The following HS3ST3A1 variants were observed in gnomAD, a reference collection of about 807,000 sequenced individuals.
HS3ST3A1 encodes heparan sulfate-glucosamine 3-sulfotransferase 3A1, also known as heparan sulfate glucosamine 3-O-sulfotransferase 3A1.
A neutral mutation model predicts 25.7 loss-of-function variants in HS3ST3A1; 19 were observed. That is an observed-to-expected ratio of 0.74 (90% CI 0.52 to 1.08). The LOEUF (loss-of-function observed/expected upper bound fraction) is 1.08, where lower values mean the gene tolerates loss of function less well. Ranked by LOEUF, HS3ST3A1 falls within the 50% of genes least tolerant of loss-of-function variation. The pLI is 0.00. For synonymous variants in HS3ST3A1, 226 were observed against 278.6 expected (o/e 0.81, Z 1.88); for missense variants, 459 against 594.3 (o/e 0.77, Z 2.37).
intron 1 of HS3ST3A1, among the ~76,000 whole-genome samples, chr17:13,512,312 A>AAAAAAC (rs951354491): frequency 6.6e-6 from 1 of 150,386 alleles, no homozygotes; most frequent in Non-Finnish European, 1.5e-5. Context: ...TCTCAAAAAA[A>AAAAAAC]AAAAAAAAAA....
intron 1 of HS3ST3A1, among the ~76,000 whole-genome samples, chr17:13,499,012 C>T (rs1905372997): frequency 6.6e-6 from 1 of 150,846 alleles, no homozygotes; most frequent in Non-Finnish European, 1.5e-5. Flanking sequence ...TTTTTATAGA[C>T]ATTTGCTTTC....
intron 1 of HS3ST3A1, among the ~76,000 whole-genome samples, chr17:13,572,013 C>T (rs769140392): frequency 6.6e-6 from 1 of 152,130 alleles, no homozygotes; most frequent in Non-Finnish European, 1.5e-5. Context: ...CCCACCTCGG[C>T]CTCTCAAAGT....
chr17:13,588,396 A>C (rs1908334391), intron 1 of HS3ST3A1, among the ~76,000 whole-genome samples: 1 of 152,188 alleles, frequency 6.6e-6, no homozygotes, highest in Non-Finnish European at 1.5e-5. Context: ...AAAGAATTGA[A>C]GTTTAGAATC....
intron 1 of HS3ST3A1, among the ~76,000 whole-genome samples, chr17:13,593,611 A>G (rs1908494931): frequency 6.6e-6 from 1 of 152,196 alleles, no homozygotes; most frequent in African/African-American, 2.4e-5. Context: ...GAAAGAAGAA[A>G]CACGGAATAA....
chr17:13,547,467 T>C (rs150841449), intron 1 of HS3ST3A1, among the ~76,000 whole-genome samples: 2 of 152,212 alleles, frequency 1.3e-5, no homozygotes, highest in African/African-American at 4.8e-5. Flanking sequence ...TGGCCAGTGA[T>C]TTAGTTCATC....
intron 1 of HS3ST3A1, among the ~76,000 whole-genome samples, chr17:13,519,058 T>C (rs1233476411): frequency 6.6e-6 from 1 of 152,256 alleles, no homozygotes; most frequent in Non-Finnish European, 1.5e-5. Flanking sequence ...CATAACAAAT[T>C]ATTAACAGTG....
chr17:13,530,771 A>T (rs1906581734), intron 1 of HS3ST3A1, among the ~76,000 whole-genome samples: 1 of 152,096 alleles, frequency 6.6e-6, no homozygotes, highest in Non-Finnish European at 1.5e-5. Context: ...TAAGCAACTC[A>T]ATCGCTCAGT....
intron 1 of HS3ST3A1, among the ~76,000 whole-genome samples, chr17:13,584,212 A>G (rs779959510): frequency 6.6e-6 from 1 of 152,182 alleles, no homozygotes; most frequent in African/African-American, 2.4e-5. Flanking sequence ...AAAAATGGAG[A>G]TTCTTAAAGC....
At chr17:13,592,748 A>G (rs1427823414) in intron 1 of HS3ST3A1, among the ~76,000 whole-genome samples, 1 of 152,240 alleles carries the variant, frequency 6.6e-6, no homozygotes, top group Admixed American at 6.5e-5. Context: ...TGTTAAAAAT[A>G]TCAGAGGAAA....
chr17:13,588,983 C>T (rs1369463371), intron 1 of HS3ST3A1, among the ~76,000 whole-genome samples: 5 of 152,264 alleles, frequency 3.3e-5, no homozygotes, highest in Admixed American at 6.5e-5. Context: ...TTGATTTTAT[C>T]AGACATTCAT....
chr17:13,508,349 T>C (rs1905753670), intron 1 of HS3ST3A1, among the ~76,000 whole-genome samples: 1 of 152,220 alleles, frequency 6.6e-6, no homozygotes, highest in South Asian at 2.1e-4. Flanking sequence ...ATCGTTAATT[T>C]TGGGGAACCT....
intron 1 of HS3ST3A1, among the ~76,000 whole-genome samples, chr17:13,529,881 C>G (rs1048216467): frequency 6.6e-6 from 1 of 152,000 alleles, no homozygotes; most frequent in Non-Finnish European, 1.5e-5. Flanking sequence ...CCCCCCCACC[C>G]CAATTCAGTC....
intron 1 of HS3ST3A1, among the ~76,000 whole-genome samples, chr17:13,540,358 T>C: frequency 6.6e-6 from 1 of 152,206 alleles, no homozygotes; most frequent in East Asian, 1.9e-4. Context: ...AAGGGTTAAA[T>C]ATCATCATCA....
intron 1 of HS3ST3A1, among the ~76,000 whole-genome samples, chr17:13,594,516 C>G (rs1251358276): frequency 6.6e-6 from 1 of 152,168 alleles, no homozygotes; most frequent in Non-Finnish European, 1.5e-5. Flanking sequence ...GGGGAAGGAA[C>G]AGGCCTGCAT....
chr17:13,526,480 A>T (rs1371174437), intron 1 of HS3ST3A1, among the ~76,000 whole-genome samples: 3 of 60,660 alleles, frequency 4.9e-5, no homozygotes, highest in South Asian at 6.3e-4. Flanking sequence ...ATTTTTATAT[A>T]TATATATATA....
At chr17:13,568,131 G>A (rs759969451) in intron 1 of HS3ST3A1, among the ~76,000 whole-genome samples, 32 of 152,052 alleles carry the variant, frequency 2.1e-4, no homozygotes, top group Non-Finnish European at 3.8e-4. Flanking sequence ...AGCAGCCATC[G>A]ACACTGAGGC....
chr17:13,589,322 C>A (rs1908358702), intron 1 of HS3ST3A1, among the ~76,000 whole-genome samples: 1 of 152,176 alleles, frequency 6.6e-6, no homozygotes, highest in African/African-American at 2.4e-5. Context: ...CAATTTGCCA[C>A]CCTTCGCCAA....
Position 13,496,904 on chromosome 17 carries a change from C to T in HS3ST3A1, c.600-86G>A, listed in dbSNP as rs1370217963. 8 of 1,524,982 alleles carry T rather than the reference C, an allele frequency of 5.2e-6. 1 individual carries two copies. Among genetic ancestry groups the T allele is most frequent in the Admixed American group, 2.1e-5 (1 of 48,118 alleles). 94.5% of individuals were successfully genotyped at this position (1,524,982 alleles called of 1,614,324 possible). ...TGTCAAGTACACGCTGGAGCCAGGCCGCAATTCCAGCCCCCGCAACCCCCC... is the reference window on the plus strand; with the variant it reads ...TGTCAAGTACACGCTGGAGCCAGGCTGCAATTCCAGCCCCCGCAACCCCCC... On this transcript the variant is annotated intron_variant, in intron 1 of 1. Transcript: ENST00000284110.
chr17:13,531,443 G>A (rs35402358), intron 1 of HS3ST3A1, among the ~76,000 whole-genome samples: 14,875 of 152,146 alleles, frequency 0.098, 870 homozygotes, highest in Non-Finnish European at 0.14. Flanking sequence ...TGAGAAAAAC[G>A]AAATAGGTTT....
Sources: allele counts gnomAD v4.1 joint callset (sites outside exome capture counted in the v4.1 genomes callset), GRCh38; gene constraint gnomAD v4.1.1; transcripts MANE v1.5; gene names NCBI Gene and HGNC (gene_info 2026-07-23, HGNC 2026-07-21).